RBMS3: variants seen among roughly 807,000 people sequenced by gnomAD.
The protein encoded by RBMS3 is RNA binding motif single stranded interacting protein 3, also known as RNA-binding motif, single-stranded-interacting protein 3.
A neutral mutation model predicts 66.8 loss-of-function variants in RBMS3; 27 were observed. The ratio of observed to expected loss-of-function variants is 0.40; its 90% CI spans 0.30 to 0.56. RBMS3 has a LOEUF of 0.56. Among genes scored for constraint, RBMS3 ranks in the 20% least tolerant of loss-of-function variants. The pLI is 0.40. For missense variants in RBMS3, 513 were observed against 549.5 expected (o/e 0.93, Z 0.66); for synonymous variants, 188 against 183.0 (o/e 1.03, Z -0.22).
chr3:29,564,372 G>A (rs1196272553), intron 3 of RBMS3, among the ~76,000 whole-genome samples: 1 of 151,790 alleles, frequency 6.6e-6, no homozygotes, highest in African/African-American at 2.4e-5. Context: ...TGTAATCCCA[G>A]CTATTTGGGA....
At chr3:29,738,034 T>C (rs1273814201) in intron 4 of RBMS3, among the ~76,000 whole-genome samples, 1 of 152,172 alleles carries the variant, frequency 6.6e-6, no homozygotes, top group Non-Finnish European at 1.5e-5. Context: ...AAAAGTAAAC[T>C]GTGTTTAAAA....
intron 3 of RBMS3, among the ~76,000 whole-genome samples, chr3:29,566,704 GA>G (rs1253081244): frequency 2.0e-5 from 3 of 150,626 alleles, no homozygotes; most frequent in Non-Finnish European, 4.4e-5. Flanking sequence ...GAAGATTCTA[GA>G]AAATGCCAAA....
intron 4 of RBMS3, among the ~76,000 whole-genome samples, chr3:29,728,804 G>A (rs2053998977): frequency 6.6e-6 from 1 of 151,812 alleles, no homozygotes; most frequent in Non-Finnish European, 1.5e-5. Context: ...TTTTTTTTAA[G>A]TGCCAATGTA....
At chr3:29,993,389 G>C (rs1322519048) in intron 14 of RBMS3, among the ~76,000 whole-genome samples, 3 of 152,130 alleles carry the variant, frequency 2.0e-5, no homozygotes, top group Non-Finnish European at 4.4e-5. Flanking sequence ...GACATTGATT[G>C]GTGGGAGATG....
chr3:29,866,063 T>C (rs1194705808), intron 6 of RBMS3, among the ~76,000 whole-genome samples: 1 of 121,744 alleles, frequency 8.2e-6, no homozygotes, highest in African/African-American at 3.8e-5. Context: ...TAGTCTATTA[T>C]TAACACCAAA....
intron 1 of RBMS3, among the ~76,000 whole-genome samples, chr3:29,312,213 T>A (rs547041169): frequency 2.0e-5 from 3 of 151,968 alleles, no homozygotes; most frequent in African/African-American, 7.2e-5. Flanking sequence ...ATACTGGGGT[T>A]ACATTCTAAA....
chr3:29,377,688 C>T (rs1250852349), intron 1 of RBMS3, among the ~76,000 whole-genome samples: 1 of 152,168 alleles, frequency 6.6e-6, no homozygotes, highest in Admixed American at 6.5e-5. Context: ...CACCTCTCAA[C>T]CAATCACTGT....
intron 3 of RBMS3, among the ~76,000 whole-genome samples, chr3:29,585,575 G>T (rs759590620): frequency 5.3e-5 from 8 of 152,064 alleles, no homozygotes; most frequent in Non-Finnish European, 1.2e-4. Flanking sequence ...ATGTTATTAT[G>T]ACTTCACCAA....
chr3:29,752,611 A>T (rs1490019444), intron 5 of RBMS3, among the ~76,000 whole-genome samples: 1 of 152,220 alleles, frequency 6.6e-6, no homozygotes, highest in Non-Finnish European at 1.5e-5. Flanking sequence ...TCACATACAC[A>T]TGCCACATTT....
At chr3:29,627,193 A>C (rs761624760) in intron 4 of RBMS3, among the ~76,000 whole-genome samples, 1 of 152,156 alleles carries the variant, frequency 6.6e-6, no homozygotes, top group Non-Finnish European at 1.5e-5. Flanking sequence ...TAAAGTGCTG[A>C]CAAGGACATC....
chr3:29,628,053 A>G (rs977415558), intron 4 of RBMS3, among the ~76,000 whole-genome samples: 3 of 152,196 alleles, frequency 2.0e-5, no homozygotes, highest in Non-Finnish European at 4.4e-5. Context: ...TTACCGGATT[A>G]AAAACCCAAT....
rs529427729 is a variant in RBMS3 at position 30,004,814 on chromosome 3, A to T, written c.*952A>T. ...AAAAGCATTAGTGCTTTTTATCTGC[A>T]GTCTTTTTTATGAGCTTTACAAAGT... On this transcript the variant is annotated 3_prime_UTR_variant, in exon 15 of 15. Coordinates refer to ENST00000383767, the MANE Select transcript of RBMS3 (RefSeq NM_001003793.3). The T allele has an allele frequency of 6.6e-6, 1 of 152,090 alleles. No homozygotes were observed. Among genetic ancestry groups the T allele is most frequent in the Non-Finnish European group, 1.5e-5 (1 of 67,710 alleles). 9.4% of individuals were successfully genotyped at this position (152,090 alleles called of 1,614,324 possible).
intron 4 of RBMS3, among the ~76,000 whole-genome samples, chr3:29,705,073 G>A (rs1199812111): frequency 6.6e-6 from 1 of 152,276 alleles, no homozygotes; most frequent in East Asian, 1.9e-4. Context: ...ATTTTAGCTA[G>A]GGGCTTTTTG....
At chr3:29,876,293 CCAAT>C (rs1328443120) in intron 7 of RBMS3, among the ~76,000 whole-genome samples, 1 of 151,898 alleles carries the variant, frequency 6.6e-6, no homozygotes, top group African/African-American at 2.4e-5. Context: ...ATCTCTTTGA[CCAAT>C]CAAAGGCTAA....
rs1480236395 is a variant in RBMS3, at chr3:29,587,135, A to G, written c.329A>G (p.Asp110Gly). 1 of 1,609,446 alleles carries G rather than the reference A, an allele frequency of 6.2e-7. No individual in the cohort carries two copies. The highest frequency in any genetic ancestry group is 8.5e-7 in the Non-Finnish European group (1 of 1,178,176). Residue 110 changes from aspartate to glycine, a missense_variant, in exon 4 of 15, where the codon GAC becomes GGC. Coordinates refer to ENST00000383767, the MANE Select transcript of RBMS3 (RefSeq NM_001003793.3). ...QCKGYGFVDF[D>G]SPAAAQKAVA... ...ACAGGTTATGGTTTTGTAGATTTTG[A>G]CAGTCCTGCAGCCGCACAGAAAGCG...
intron 1 of RBMS3, among the ~76,000 whole-genome samples, chr3:29,405,785 G>C (rs1336565651): frequency 2.0e-5 from 3 of 152,158 alleles, no homozygotes. Context: ...TAGTGACCTA[G>C]GGATTGATTT....
intron 1 of RBMS3, among the ~76,000 whole-genome samples, chr3:29,375,162 A>G (rs994744533): frequency 2.6e-5 from 4 of 152,242 alleles, no homozygotes; most frequent in Non-Finnish European, 5.9e-5. Context: ...CTATATATAG[A>G]AAATTGAAAC....
At chr3:29,365,326 A>G (rs1043388980) in intron 1 of RBMS3, among the ~76,000 whole-genome samples, 2 of 151,964 alleles carry the variant, frequency 1.3e-5, no homozygotes, top group Non-Finnish European at 2.9e-5. Context: ...AGATATATAT[A>G]TATATTCTTT....
chr3:29,991,773 G>A (rs1325208873), intron 14 of RBMS3: 4 of 152,224 alleles, frequency 2.6e-5, no homozygotes, highest in African/African-American at 7.3e-5. Context: ...ACTGAATAGA[G>A]TCTCAGTCTC....
Sources: gnomAD v4.1 joint callset for allele counts (sites outside exome capture counted in the v4.1 genomes callset) on GRCh38, gnomAD v4.1.1 for gene constraint, MANE v1.5 for transcripts, NCBI Gene and HGNC (gene_info 2026-07-23, HGNC 2026-07-21) for gene names.